Variants in NR3C2 observed in about 807,000 individuals in gnomAD.
NR3C2 encodes the protein mineralocorticoid receptor.
A neutral mutation model predicts 86.4 loss-of-function variants in NR3C2; 15 were observed. The ratio of observed to expected loss-of-function variants is 0.17; its 90% confidence interval spans 0.12 to 0.27. The LOEUF is 0.27. Among genes scored for constraint, NR3C2 ranks in the 10% least tolerant of loss-of-function variants. The pLI, the probability that NR3C2 is intolerant of heterozygous loss-of-function variation, is 1.00. For missense variants in NR3C2, 960 were observed against 1,195.6 expected, an observed-to-expected ratio of 0.80 and a Z score of 2.91; for synonymous variants, 458 against 450.5, an observed-to-expected ratio of 1.02 and a Z score of -0.21.
chr4:148,269,137 C>CA (rs886438403), intron 2 of NR3C2, among the ~76,000 whole-genome samples: 1 of 151,932 alleles, frequency 6.6e-6, no homozygotes, highest in Non-Finnish European at 1.5e-5. Flanking sequence ...TAGAAATCTA[C>CA]AAAAAAACCA....
chr4:148,210,938 T>A (rs1158051126), intron 3 of NR3C2, among the ~76,000 whole-genome samples: 1 of 152,220 alleles, frequency 6.6e-6, no homozygotes, highest in Non-Finnish European at 1.5e-5. Context: ...TGTGTGTATA[T>A]CTCTTTGCTT....
rs35649035 is a variant in NR3C2, at chr4:148,294,678, TAA to T, written c.1758-34563_1758-34562del. On this transcript the variant is annotated intron_variant, in intron 2 of 8. Coordinates refer to ENST00000358102, the MANE Select transcript of NR3C2 (RefSeq NM_000901.5). Reference sequence around the variant, plus strand: ...TTCCTTCTAAAAGTCCTCATTGATATAAAAAAAAAAAGCATGGGCCAGGTGCA... The same window carrying T: ...TTCCTTCTAAAAGTCCTCATTGATATAAAAAAAAAGCATGGGCCAGGTGCA... Among the ~76,000 whole-genome samples the T allele has an allele frequency of 8.8e-4, 132 of 149,836 alleles. 1 individual carries two copies. In the East Asian group the frequency reaches 0.021, roughly 24 times the overall value.
chr4:148,162,664 T>C (rs1734713929), intron 4 of NR3C2, among the ~76,000 whole-genome samples: 1 of 152,256 alleles, frequency 6.6e-6, no homozygotes, highest in African/African-American at 2.4e-5. Context: ...AGGCCACTGC[T>C]GGACTGCGTC....
intron 8 of NR3C2, among the ~76,000 whole-genome samples, chr4:148,089,247 C>T (rs890782527): frequency 1.3e-5 from 2 of 152,170 alleles, no homozygotes; most frequent in Non-Finnish European, 2.9e-5. Context: ...TGGTATTTTC[C>T]TAATCAGCTA....
chr4:148,320,572 C>T (rs1743510067), intron 2 of NR3C2, among the ~76,000 whole-genome samples: 1 of 147,846 alleles, frequency 6.8e-6, no homozygotes, highest in African/African-American at 2.5e-5. Flanking sequence ...TTGGTCTATT[C>T]AGAGATTCAA....
chr4:148,310,126 G>C (rs1742835999), intron 2 of NR3C2, among the ~76,000 whole-genome samples: 1 of 152,142 alleles, frequency 6.6e-6, no homozygotes, highest in Non-Finnish European at 1.5e-5. Context: ...AAACTTTTAA[G>C]ATACTTCCTC....
At chr4:148,422,224 T>C (rs17024715) in intron 2 of NR3C2, among the ~76,000 whole-genome samples, 10,585 of 152,028 alleles carry the variant, frequency 0.07, 461 homozygotes, top group African/African-American at 0.13. Flanking sequence ...CTACCACATA[T>C]AGAAAGCCCA....
chr4:148,283,914 T>C (rs1234634169), intron 2 of NR3C2, among the ~76,000 whole-genome samples: 1 of 152,206 alleles, frequency 6.6e-6, no homozygotes, highest in Non-Finnish European at 1.5e-5. Flanking sequence ...CAACTGAGAC[T>C]GCGAGTGATT....
intron 2 of NR3C2, among the ~76,000 whole-genome samples, chr4:148,298,317 A>T (rs7689925): frequency 7.2e-5 from 11 of 152,170 alleles, no homozygotes; most frequent in Middle Eastern, 3.4e-3. Flanking sequence ...AATTCTAGAA[A>T]GTGAAAAACT....
intron 3 of NR3C2, among the ~76,000 whole-genome samples, chr4:148,203,907 G>A (rs1348228169): frequency 6.6e-6 from 1 of 152,136 alleles, no homozygotes; most frequent in African/African-American, 2.4e-5. Context: ...AGTAAGTACA[G>A]GTTGCCTTTG....
chr4:148,247,993 A>G (rs555438327), intron 3 of NR3C2, among the ~76,000 whole-genome samples: 31 of 152,322 alleles, frequency 2.0e-4, no homozygotes, highest in African/African-American at 6.5e-4. Context: ...GAGATGCAAC[A>G]TAAGTAATTT....
At chr4:148,424,040 T>C (rs1394892763) in intron 2 of NR3C2, among the ~76,000 whole-genome samples, 1 of 152,208 alleles carries the variant, frequency 6.6e-6, no homozygotes, top group Non-Finnish European at 1.5e-5. Context: ...AAATATCTAT[T>C]GTACTCTTAG....
intron 3 of NR3C2, among the ~76,000 whole-genome samples, chr4:148,231,899 T>C (rs1353612806): frequency 6.6e-6 from 1 of 152,156 alleles, no homozygotes; most frequent in African/African-American, 2.4e-5. Flanking sequence ...ACCACTTTCT[T>C]TCCTCATCCA....
chr4:148,183,085 C>T (rs1163159886), intron 4 of NR3C2, among the ~76,000 whole-genome samples: 1 of 152,094 alleles, frequency 6.6e-6, no homozygotes, highest in Non-Finnish European at 1.5e-5. Flanking sequence ...GGTTTTCTGT[C>T]CTTATGATAG....
intron 3 of NR3C2, chr4:148,200,953 G>C (rs1736689155): frequency 6.6e-6 from 1 of 151,804 alleles, no homozygotes; most frequent in South Asian, 2.1e-4. Context: ...CTCTTACACA[G>C]ACATCAATAG....
At chr4:148,240,644 G>A (rs995486992) in intron 3 of NR3C2, among the ~76,000 whole-genome samples, 1 of 152,122 alleles carries the variant, frequency 6.6e-6, no homozygotes. Context: ...TGATGGACTT[G>A]TATCTTAAAC....
At chr4:148,419,583 G>A (rs910287012) in intron 2 of NR3C2, among the ~76,000 whole-genome samples, 11 of 152,186 alleles carry the variant, frequency 7.2e-5, no homozygotes, top group Admixed American at 1.3e-4. Context: ...ATATTTATTC[G>A]TGGGACCAAT....
intron 4 of NR3C2, among the ~76,000 whole-genome samples, chr4:148,187,512 T>C (rs930530201): frequency 6.6e-6 from 1 of 152,142 alleles, no homozygotes; most frequent in African/African-American, 2.4e-5. Context: ...CTTTCGAGAA[T>C]TGTGTATTCA....
intron 2 of NR3C2, among the ~76,000 whole-genome samples, chr4:148,357,479 T>A (rs1745606463): frequency 6.6e-6 from 1 of 152,148 alleles, no homozygotes; most frequent in African/African-American, 2.4e-5. Context: ...ATACATCTCT[T>A]TTAATATGGT....
Sources: allele counts gnomAD v4.1 joint callset (sites outside exome capture counted in the v4.1 genomes callset), GRCh38; gene constraint gnomAD v4.1.1; transcripts MANE v1.5; gene names NCBI Gene and HGNC (gene_info 2026-07-23, HGNC 2026-07-21).